The following SSUH2 variants were observed in gnomAD, a reference collection of about 807,000 sequenced individuals.
The protein encoded by SSUH2 is ssu-2 homolog, also known as protein SSUH2 homolog.
A neutral mutation model predicts 55.3 loss-of-function variants in SSUH2; 47 were observed. The ratio of observed to expected loss-of-function variants is 0.85; its 90% CI spans 0.67 to 1.08. The LOEUF (loss-of-function observed/expected upper bound fraction) is 1.08, where lower values mean the gene tolerates loss of function less well. Among genes scored for constraint, SSUH2 ranks in the 50% least tolerant of loss-of-function variants. SSUH2 has a pLI of 0.00. For synonymous variants in SSUH2, 212 were observed against 191.5 expected (o/e 1.11, Z -0.89); for missense variants, 535 against 490.7 (o/e 1.09, Z -0.85).
intron 4 of SSUH2, 39 bp downstream of exon 4, chr3:8,633,627 C>G (rs933175497): frequency 9.5e-6 from 14 of 1,470,490 alleles, no homozygotes; most frequent in Non-Finnish European, 1.3e-5. Flanking sequence ...AGCTCCCCAG[C>G]CCCCCGGCCA....
intron 7 of SSUH2, 32 bp downstream of exon 7, chr3:8,629,632 A>G: frequency 1.6e-6 from 1 of 641,568 alleles, no homozygotes; most frequent in Non-Finnish European, 2.4e-6. Context: ...CCACACCCTC[A>G]CTGACTCACC....
At chr3:8,628,787 C>T (rs909609039) in intron 7 of SSUH2, among the ~76,000 whole-genome samples, 1 of 152,154 alleles carries the variant, frequency 6.6e-6, no homozygotes, top group South Asian at 2.1e-4. Flanking sequence ...CCAGCCTAGC[C>T]CACACCTTGA....
At chr3:8,621,603 T>C (rs1231389889) in intron 11 of SSUH2, among the ~76,000 whole-genome samples, 1 of 152,172 alleles carries the variant, frequency 6.6e-6, no homozygotes, top group Non-Finnish European at 1.5e-5. Flanking sequence ...TGTGCTCCAG[T>C]TCTCTAGACC....
At chr3:8,652,718 CA>C (rs1260705348) in intron 7 of SSUH2, among the ~76,000 whole-genome samples, 1 of 152,200 alleles carries the variant, frequency 6.6e-6, no homozygotes, top group Non-Finnish European at 1.5e-5. Flanking sequence ...CAGTTTCCCC[CA>C]TTTGAAACAT....
upstream of SSUH2, among the ~76,000 whole-genome samples, chr3:8,648,713 G>C (rs1363206141): frequency 6.6e-6 from 1 of 152,116 alleles, no homozygotes; most frequent in East Asian, 1.9e-4. Flanking sequence ...CCTTGATGTA[G>C]CTGAGGCCCC....
chr3:8,663,491 G>A (rs1159694707), intron 6 of SSUH2, among the ~76,000 whole-genome samples: 1 of 152,182 alleles, frequency 6.6e-6, no homozygotes, highest in Non-Finnish European at 1.5e-5. Context: ...CAAACACAAA[G>A]CGACAGAAAA....
chr3:8,636,217 A>C (rs1699901564), intron 1 of SSUH2, among the ~76,000 whole-genome samples: 1 of 152,164 alleles, frequency 6.6e-6, no homozygotes, highest in Non-Finnish European at 1.5e-5. Flanking sequence ...CAACCAAGAG[A>C]ACACAGTGGA....
chr3:8,623,963 G>A (rs1696995503), intron 10 of SSUH2, among the ~76,000 whole-genome samples: 1 of 152,200 alleles, frequency 6.6e-6, no homozygotes, highest in South Asian at 2.1e-4. Flanking sequence ...GACTCGTGGG[G>A]TCTGTACACG....
intron 4 of SSUH2, 31 bp from the exon 5 acceptor site, chr3:8,632,140 C>T (rs747739873): frequency 3.2e-5 from 51 of 1,586,986 alleles, no homozygotes; most frequent in Non-Finnish European, 4.0e-5. Flanking sequence ...TGTTCACACT[C>T]GTGCCCCTTA....
At chr3:8,632,815 C>T (rs1559353067) in intron 4 of SSUH2, among the ~76,000 whole-genome samples, 1 of 152,176 alleles carries the variant, frequency 6.6e-6, no homozygotes, top group African/African-American at 2.4e-5. Flanking sequence ...AATTTCTTGG[C>T]ACAGTCATGA....
intron 2 of SSUH2, among the ~76,000 whole-genome samples, chr3:8,677,699 GC>G (rs927224439): frequency 6.6e-6 from 1 of 150,734 alleles, no homozygotes; most frequent in Non-Finnish European, 1.5e-5. Context: ...CTAAAGGATT[GC>G]CCCCCTGTTT....
At chr3:8,648,602 G>C (rs1702008681), upstream of SSUH2, among the ~76,000 whole-genome samples, 3 of 152,052 alleles carry the variant, frequency 2.0e-5, no homozygotes, top group South Asian at 6.2e-4. Context: ...CTTCCAATGA[G>C]TGCTCACCAA....
intron 1 of SSUH2, chr3:8,639,984 G>A (rs557060958): frequency 5.0e-5 from 49 of 985,432 alleles, no homozygotes; most frequent in Middle Eastern, 5.2e-4. Context: ...CAAATGCCTC[G>A]TGATTTGAAT....
Position 8,677,033 on chromosome 3 carries a change from G to C in SSUH2, c.-753+173C>G, listed in dbSNP as rs796441795. Among the ~76,000 whole-genome samples, 13 of 148,062 alleles carry C rather than the reference G, an allele frequency of 8.8e-5. 1 individual carries two copies. The highest frequency in any genetic ancestry group is 3.2e-4 in the African/African-American group (13 of 40,018). ...TGAGACCTCCATCGCGGTGGGGGGA[G>C]GAACCCCCCAGGAGGCGGGGACTGC... On this transcript the variant is annotated intron_variant, in intron 3 of 18. Coordinates refer to the SSUH2 transcript ENST00000317371.
upstream of SSUH2, among the ~76,000 whole-genome samples, chr3:8,645,531 C>A (rs1371257937): frequency 6.6e-6 from 1 of 152,218 alleles, no homozygotes; most frequent in Non-Finnish European, 1.5e-5. Flanking sequence ...AAACACAGAA[C>A]TTGTGAGCTG....
At chr3:8,643,617 G>C (rs1429794916) in intron 1 of SSUH2, among the ~76,000 whole-genome samples, 3 of 152,098 alleles carry the variant, frequency 2.0e-5, no homozygotes, top group Non-Finnish European at 4.4e-5. Flanking sequence ...TTCATATTCT[G>C]CTTCAGGTCT....
intron 7 of SSUH2, among the ~76,000 whole-genome samples, chr3:8,629,004 C>T (rs1053650413): frequency 1.3e-5 from 2 of 152,166 alleles, no homozygotes; most frequent in South Asian, 2.1e-4. Context: ...TACAGGCGCC[C>T]GCCACCATGC....
At chr3:8,664,883 G>T (rs1365805768) in intron 5 of SSUH2, among the ~76,000 whole-genome samples, 1 of 152,198 alleles carries the variant, frequency 6.6e-6, no homozygotes. Flanking sequence ...CTCAAGAAAG[G>T]CATCTCCCGA....
At chr3:8,666,345 C>T (rs1189867209) in intron 5 of SSUH2, among the ~76,000 whole-genome samples, 1 of 152,154 alleles carries the variant, frequency 6.6e-6, no homozygotes, top group Admixed American at 6.5e-5. Flanking sequence ...CTTGAAGTTT[C>T]ACAATCAATA....
Sources: gnomAD v4.1 joint callset for allele counts (sites outside exome capture counted in the v4.1 genomes callset) on GRCh38, gnomAD v4.1.1 for gene constraint, MANE v1.5 for transcripts, NCBI Gene and HGNC (gene_info 2026-07-23, HGNC 2026-07-21) for gene names.